CMTM4: variants seen among roughly 807,000 people sequenced by gnomAD.
The protein encoded by CMTM4 is CKLF-like MARVEL transmembrane domain-containing protein 4.
Under a neutral mutation model 19.0 loss-of-function variants are expected in CMTM4, and 8 were observed. That is an observed-to-expected ratio of 0.42 (90% CI 0.25 to 0.76). The LOEUF is 0.76. CMTM4 is among the 30% of genes least tolerant of loss of function. The probability of loss-of-function intolerance (pLI) is 0.27; values close to 1 mark genes in which losing one functional copy is unlikely to be tolerated. For synonymous variants in CMTM4, 106 were observed against 121.1 expected, an observed-to-expected ratio of 0.88 and a Z score of 0.82; for missense variants, 228 against 290.2, an observed-to-expected ratio of 0.79 and a Z score of 1.56.
chr16:66,676,352 C>T (rs754176314), intron 1 of CMTM4, among the ~76,000 whole-genome samples: 5 of 152,152 alleles, frequency 3.3e-5, no homozygotes, highest in African/African-American at 7.2e-5. Flanking sequence ...AACCATATAA[C>T]GGACAAGAAA....
intron 1 of CMTM4, among the ~76,000 whole-genome samples, chr16:66,691,902 G>GT (rs1378366229): frequency 6.6e-6 from 1 of 152,146 alleles, no homozygotes; most frequent in Non-Finnish European, 1.5e-5. Context: ...GACAGGCATT[G>GT]TTAGCACTAT....
At chr16:66,693,062 A>G (rs1400333944) in intron 1 of CMTM4, among the ~76,000 whole-genome samples, 2 of 151,888 alleles carry the variant, frequency 1.3e-5, no homozygotes, top group African/African-American at 4.8e-5. Flanking sequence ...CGTCTCCACT[A>G]AAAATACAAA....
intron 1 of CMTM4, among the ~76,000 whole-genome samples, chr16:66,695,127 G>A (rs1359586019): frequency 1.3e-5 from 2 of 152,142 alleles, no homozygotes; most frequent in Non-Finnish European, 2.9e-5. Flanking sequence ...AGGGGTGATC[G>A]CTTGAGCCCA....
Position 66,621,761 on chromosome 16 carries a change from C to A in CMTM4, c.*297G>T. The A allele has an allele frequency of 8.4e-7, 1 of 1,193,720 alleles. No homozygotes were observed. Among genetic ancestry groups the A allele is most frequent in the South Asian group, 2.7e-5 (1 of 36,646 alleles). 73.9% of individuals were successfully genotyped at this position (1,193,720 alleles called of 1,614,324 possible). On this transcript the variant is annotated 3_prime_UTR_variant, in exon 4 of 4. Coordinates refer to ENST00000394106, the MANE Select transcript of CMTM4 (RefSeq NM_181521.3). ...AATCCAAAGTCTTGTTACAAATACACACGACAAGGTGGCTCAGAGTCAAAG... is the reference window on the plus strand; with the variant it reads ...AATCCAAAGTCTTGTTACAAATACAAACGACAAGGTGGCTCAGAGTCAAAG...
chr16:66,656,652 GAAAA>G (rs147497033), intron 1 of CMTM4, among the ~76,000 whole-genome samples: 4 of 135,384 alleles, frequency 3.0e-5, no homozygotes, highest in African/African-American at 1.1e-4. Flanking sequence ...TAACTACATA[GAAAA>G]AAAAAAAAAC....
At chr16:66,600,146 G>GTT in the CMTM4 span, among the ~76,000 whole-genome samples, 46 of 125,756 alleles carry the variant, frequency 3.7e-4, no homozygotes, top group Non-Finnish European at 4.7e-4. Context: ...GTTTTTTTTT[G>GTT]TTTTTTTTTT....
chr16:66,622,279 T>G lies in CMTM4; in HGVS notation c.463-57A>C. 1.3e-6 allele frequency: 2 copies of G among 1,583,864 alleles called. No individual in the cohort carries two copies. Among genetic ancestry groups the G allele is most frequent in the Non-Finnish European group, 1.7e-6 (2 of 1,164,178 alleles). ...GCACGTGGCCTGGCCCCTCAAGGCT[T>G]CTGTGGTGACCCAAGCCACATGCAG... is the stretch of plus-strand genomic sequence containing the variant. On this transcript the variant is annotated intron_variant, in intron 3 of 3. Transcript: ENST00000394106. This position sits in a 1 kb window ranked among gnomAD's most constrained non-coding sequence, Gnocchi z 4.0.
At chr16:66,610,142 C>A, downstream of CMTM4, 2 of 1,077,542 alleles carry the variant, frequency 1.9e-6, no homozygotes, top group Non-Finnish European at 2.7e-6. This position sits in a 1 kb window ranked among gnomAD's most constrained non-coding sequence, Gnocchi z 4.6. Context: ...CCCATTCTCA[C>A]CTACCCTCAT....
intron 1 of CMTM4, among the ~76,000 whole-genome samples, chr16:66,648,358 A>AT (rs1164676743): frequency 6.6e-6 from 1 of 152,084 alleles, no homozygotes; most frequent in Non-Finnish European, 1.5e-5. Context: ...GAATGAAAAT[A>AT]TTTTTCCTGG....
chr16:66,668,885 TG>T (rs1303896334), intron 1 of CMTM4, among the ~76,000 whole-genome samples: 1 of 152,204 alleles, frequency 6.6e-6, no homozygotes, highest in Admixed American at 6.5e-5. Flanking sequence ...CATGTACTGC[TG>T]GGAAGAATAC....
chr16:66,601,662 C>T, the CMTM4 span, among the ~76,000 whole-genome samples: 9 of 152,356 alleles, frequency 5.9e-5, no homozygotes, highest in South Asian at 4.1e-4. Flanking sequence ...GGAATCTGTC[C>T]GCCTCCTGCT....
chr16:66,687,301 G>A (rs2017051880), intron 1 of CMTM4, among the ~76,000 whole-genome samples: 1 of 152,026 alleles, frequency 6.6e-6, no homozygotes, highest in Non-Finnish European at 1.5e-5. Flanking sequence ...GAGCTTTAAG[G>A]CTATACTAAG....
the CMTM4 span, among the ~76,000 whole-genome samples, chr16:66,602,633 G>A: frequency 6.6e-6 from 1 of 152,004 alleles, no homozygotes; most frequent in African/African-American, 2.4e-5. Flanking sequence ...TGCAACCTCT[G>A]CCTTCTGGGT....
At position 66,663,342 on chromosome 16, in the gene CMTM4, T is replaced by TA. The variant is rs571376851; in HGVS notation, c.187-26762dup. Among the ~76,000 whole-genome samples the TA allele has an allele frequency of 6.6e-5, 10 of 152,202 alleles. No individual in the cohort carries two copies. The South Asian group carries it at 2.1e-3, about 32-fold the overall frequency. Reference sequence around the variant, plus strand: ...TTATCAGATTGTAAAGCAGCTATAATAAAATAACCCAAGATTAGCCAGGCA... The same window carrying TA: ...TTATCAGATTGTAAAGCAGCTATAATAAAAATAACCCAAGATTAGCCAGGCA... On this transcript the variant is annotated intron_variant, in intron 1 of 3. Coordinates refer to ENST00000394106, the MANE Select transcript of CMTM4 (RefSeq NM_181521.3).
chr16:66,686,946 C>G (rs891263498), intron 1 of CMTM4, among the ~76,000 whole-genome samples: 4 of 152,078 alleles, frequency 2.6e-5, no homozygotes, highest in Admixed American at 6.6e-5. Context: ...CATATGTAGC[C>G]TTTGGAAAGG....
the CMTM4 span, among the ~76,000 whole-genome samples, chr16:66,601,230 G>A: frequency 6.6e-6 from 1 of 152,144 alleles, no homozygotes; most frequent in Non-Finnish European, 1.5e-5. Flanking sequence ...CTTTGCCAGA[G>A]TTCTTGTCTT....
intron 1 of CMTM4, among the ~76,000 whole-genome samples, chr16:66,677,102 G>T (rs2016822200): frequency 1.3e-5 from 2 of 152,150 alleles, no homozygotes; most frequent in African/African-American, 2.4e-5. Flanking sequence ...GCCAGGCGTG[G>T]TAGCACACCT....
At chr16:66,657,332 C>T (rs1353766905) in intron 1 of CMTM4, among the ~76,000 whole-genome samples, 2 of 152,130 alleles carry the variant, frequency 1.3e-5, no homozygotes, top group Non-Finnish European at 2.9e-5. Context: ...CTCAGGTGAT[C>T]TGCCTGCCTT....
At chr16:66,629,382 A>T (rs375033069) in intron 2 of CMTM4, among the ~76,000 whole-genome samples, 4 of 152,326 alleles carry the variant, frequency 2.6e-5, no homozygotes, top group South Asian at 4.1e-4. Context: ...CCATCTATGG[A>T]GTCACTGTGC....
Sources: gnomAD v4.1 joint callset for allele counts (sites outside exome capture counted in the v4.1 genomes callset) on GRCh38, gnomAD v4.1.1 for gene constraint, Gnocchi (gnomAD v3.1) non-coding constraint, MANE v1.5 for transcripts, NCBI Gene and HGNC (gene_info 2026-07-23, HGNC 2026-07-21) for gene names.